The following PSTPIP2 variants were observed in gnomAD, a reference collection of about 807,000 sequenced individuals.
PSTPIP2 encodes the protein proline-serine-threonine phosphatase interacting protein 2, also known as proline-serine-threonine phosphatase-interacting protein 2.
In PSTPIP2, 33 loss-of-function variants were observed where a neutral mutation model predicts 63.3. The observed-to-expected ratio is 0.52, with a 90% CI of 0.40 to 0.70. The LOEUF (loss-of-function observed/expected upper bound fraction) is 0.70. Ranked by LOEUF, PSTPIP2 falls within the 30% of genes least tolerant of loss-of-function variation. The pLI is 0.00. For missense variants in PSTPIP2, 312 were observed against 400.7 expected, an observed-to-expected ratio of 0.78 and a Z score of 1.89; for synonymous variants, 125 against 132.7, an observed-to-expected ratio of 0.94 and a Z score of 0.40.
rs73438248 is a variant in PSTPIP2 at position 46,011,512 on chromosome 18, C to A, written c.248-225G>T. On this transcript the variant is annotated intron_variant, in intron 4 of 14. Coordinates refer to ENST00000409746, the MANE Select transcript of PSTPIP2 (RefSeq NM_024430.4). Reference sequence around the variant, plus strand: ...TCTTTAGCTTAGCCTCCTACCACTACTGTTACTAACCTAGGGTGCCCAGGA... The same window carrying A: ...TCTTTAGCTTAGCCTCCTACCACTAATGTTACTAACCTAGGGTGCCCAGGA... 6.6e-3 allele frequency among the ~76,000 whole-genome samples: 1,010 copies of A among 152,250 alleles called. 13 individuals carry two copies. Among genetic ancestry groups the A allele is most frequent in the African/African-American group, 0.023 (948 of 41,552 alleles).
At chr18:46,059,412 C>T (rs547022439) in intron 1 of PSTPIP2, among the ~76,000 whole-genome samples, 1 of 152,150 alleles carries the variant, frequency 6.6e-6, no homozygotes, top group Non-Finnish European at 1.5e-5. Flanking sequence ...CCACGCCCAG[C>T]TAACTTTTGT....
chr18:46,012,512 C>T (rs967871501), intron 4 of PSTPIP2, among the ~76,000 whole-genome samples: 9 of 152,178 alleles, frequency 5.9e-5, no homozygotes, highest in East Asian at 1.9e-4. Context: ...CAGTGGCTCA[C>T]GCCTGTAATC....
Position 46,000,476 on chromosome 18 carries a change from C to T in PSTPIP2, c.418-942G>A, listed in dbSNP as rs550097782. ...CTGACTCCTGGGTTCAAGCGATTCT[C>T]CTGCCTCAGTCTCCCTAGTAGCTGG... On this transcript the variant is annotated intron_variant, in intron 6 of 14. Transcript: ENST00000409746. Among the ~76,000 whole-genome samples, 11 of 152,314 alleles carry T rather than the reference C, an allele frequency of 7.2e-5. 1 individual carries two copies. In the East Asian group the frequency reaches 2.1e-3, roughly 29 times the overall value.
chr18:46,061,186 C>G (rs1035181014), intron 1 of PSTPIP2, among the ~76,000 whole-genome samples: 1 of 152,014 alleles, frequency 6.6e-6, no homozygotes, highest in African/African-American at 2.4e-5. Context: ...TGCCTGTAAT[C>G]CCAGCTACTC....
chr18:46,000,900 T>TCAAA (rs36040174), intron 6 of PSTPIP2, among the ~76,000 whole-genome samples: 103,648 of 151,704 alleles, frequency 0.68, 36,882 homozygotes, highest in African/African-American at 0.89. Context: ...AAGCTGTGAA[T>TCAAA]CAGTTAGCTA....
rs58397883 is a variant in PSTPIP2, at chr18:46,056,439, C to T, written c.33+15717G>A. On this transcript the variant is annotated intron_variant, in intron 1 of 14. Coordinates refer to ENST00000409746, the MANE Select transcript of PSTPIP2 (RefSeq NM_024430.4). The stretch of plus-strand genomic sequence containing the variant: ...TTCTTTACAATTTTGAGGGGCCAGG[C>T]GTGGTTGCTCATGCCTGTAATCCTA... Among the ~76,000 whole-genome samples, 5,768 of 152,258 alleles carry T rather than the reference C, an allele frequency of 0.038. 554 individuals are homozygous for T. In the East Asian group the frequency reaches 0.4, roughly 10 times the overall value.
intron 2 of PSTPIP2, among the ~76,000 whole-genome samples, chr18:46,030,876 G>C (rs1907767626): frequency 6.6e-6 from 1 of 152,072 alleles, no homozygotes; most frequent in Non-Finnish European, 1.5e-5. Flanking sequence ...AGAAGCCTGG[G>C]GCCATCCCAA....
chr18:46,012,556 C>T (rs1210461368), intron 4 of PSTPIP2, among the ~76,000 whole-genome samples: 2 of 152,124 alleles, frequency 1.3e-5, no homozygotes, highest in African/African-American at 2.4e-5. Context: ...GGGTGTATCA[C>T]GAGGTCAAGT....
At chr18:46,062,593 C>T (rs1161561508) in intron 1 of PSTPIP2, among the ~76,000 whole-genome samples, 4 of 152,060 alleles carry the variant, frequency 2.6e-5, no homozygotes, top group African/African-American at 9.7e-5. Context: ...GGTGCAGTCT[C>T]GGCTCACTGC....
chr18:46,056,911 G>T (rs1212689509), intron 1 of PSTPIP2, among the ~76,000 whole-genome samples: 1 of 152,072 alleles, frequency 6.6e-6, no homozygotes, highest in Non-Finnish European at 1.5e-5. Context: ...AGACCAGCCT[G>T]GCCAACATGG....
intron 3 of PSTPIP2, among the ~76,000 whole-genome samples, chr18:46,018,183 T>C (rs950550682): frequency 3.3e-5 from 5 of 152,194 alleles, no homozygotes; most frequent in Admixed American, 2.0e-4. Context: ...TCTACAGTCT[T>C]TGCATGTCTA....
At position 45,985,440 on chromosome 18, in the gene PSTPIP2, A is replaced by C; in HGVS notation, c.*19T>G. On this transcript the variant is annotated 3_prime_UTR_variant, in exon 15 of 15. Transcript: ENST00000409746. ...TATCACAGAAGCACTAGCCGGAAAA[A>C]GCTCTGGTTTCTGAAAGAAAATAAC... The C allele has an allele frequency of 6.2e-7, 1 of 1,613,416 alleles. No homozygotes were observed. Among genetic ancestry groups the C allele is most frequent in the Non-Finnish European group, 8.5e-7 (1 of 1,179,798 alleles).
chr18:45,993,392 G>A (rs1172337140), intron 10 of PSTPIP2, among the ~76,000 whole-genome samples: 1 of 152,202 alleles, frequency 6.6e-6, no homozygotes, highest in Non-Finnish European at 1.5e-5. Flanking sequence ...ACCGCTCCCA[G>A]CCATGAATCT....
At chr18:46,029,468 G>C (rs1803424947) in intron 2 of PSTPIP2, 5 of 1,143,390 alleles carry the variant, frequency 4.4e-6, no homozygotes, top group Non-Finnish European at 5.3e-6. Context: ...CAGATTTGTT[G>C]ATTAAGGCAG....
intron 3 of PSTPIP2, among the ~76,000 whole-genome samples, chr18:46,016,782 C>T (rs1479596923): frequency 2.6e-5 from 4 of 152,164 alleles, no homozygotes; most frequent in African/African-American, 9.6e-5. Context: ...GGTGGCTTGA[C>T]AGAGGAAGAA....
chr18:45,999,648 G>A (rs2051641998), intron 6 of PSTPIP2, 114 bp from the exon 7 acceptor site: 1 of 982,972 alleles, frequency 1.0e-6, no homozygotes. Context: ...TTAGTGCTCT[G>A]ATTGTCACTA....
intron 1 of PSTPIP2, among the ~76,000 whole-genome samples, chr18:46,071,343 T>C (rs1201094837): frequency 6.6e-6 from 1 of 152,090 alleles, no homozygotes; most frequent in African/African-American, 2.4e-5. Flanking sequence ...GGACAGCTCC[T>C]CTGAATGAGG....
At chr18:45,990,064 A>T (rs969002730) in intron 13 of PSTPIP2, 2 of 152,256 alleles carry the variant, frequency 1.3e-5, no homozygotes, top group African/African-American at 2.4e-5. Flanking sequence ...ACATTAAGTG[A>T]CACGTTTCTT....
intron 1 of PSTPIP2, among the ~76,000 whole-genome samples, chr18:46,063,417 A>G (rs567878999): frequency 1.3e-5 from 2 of 152,316 alleles, no homozygotes; most frequent in East Asian, 1.9e-4. Flanking sequence ...TTCAAAATCC[A>G]TATACATATA....
Sources: allele counts gnomAD v4.1 joint callset (sites outside exome capture counted in the v4.1 genomes callset), GRCh38; gene constraint gnomAD v4.1.1; transcripts MANE v1.5; gene names NCBI Gene and HGNC (gene_info 2026-07-23, HGNC 2026-07-21).